RFX3: variants seen among roughly 807,000 people sequenced by gnomAD.
RFX3 encodes regulatory factor X3.
Under a neutral mutation model 98.6 loss-of-function variants are expected in RFX3, and 14 were observed. The observed-to-expected ratio is 0.14, with a 90% CI of 0.09 to 0.22. The LOEUF (loss-of-function observed/expected upper bound fraction) is 0.22. Ranked by LOEUF, RFX3 falls within the 10% of genes least tolerant of loss-of-function variation. RFX3 has a pLI of 1.00. For synonymous variants in RFX3, 383 were observed against 328.4 expected, an observed-to-expected ratio of 1.17 and a Z score of -1.80; for missense variants, 639 against 926.9, an observed-to-expected ratio of 0.69 and a Z score of 4.03.
At chr9:3,474,723 C>A (rs1472942360) in intron 1 of RFX3, among the ~76,000 whole-genome samples, 3 of 152,154 alleles carry the variant, frequency 2.0e-5, no homozygotes, top group Non-Finnish European at 4.4e-5. Flanking sequence ...GCAGTATAAT[C>A]TTTAAAAGAA....
intron 14 of RFX3, among the ~76,000 whole-genome samples, chr9:3,253,263 C>T (rs982914347): frequency 2.0e-5 from 3 of 152,196 alleles, no homozygotes; most frequent in Admixed American, 6.5e-5. Context: ...GAGAACATCA[C>T]GCCTGTGATC....
chr9:3,425,437 A>G (rs1843919929), intron 1 of RFX3, among the ~76,000 whole-genome samples: 1 of 152,228 alleles, frequency 6.6e-6, no homozygotes, highest in African/African-American at 2.4e-5. Context: ...TTAGTTTTAA[A>G]TAGACCCACA....
At chr9:3,253,734 T>G (rs1821738884) in intron 14 of RFX3, among the ~76,000 whole-genome samples, 1 of 152,178 alleles carries the variant, frequency 6.6e-6, no homozygotes, top group South Asian at 2.1e-4. Flanking sequence ...AGAAATTAGA[T>G]TAAGCATCTG....
intron 1 of RFX3, among the ~76,000 whole-genome samples, chr9:3,467,955 A>G (rs879756473): frequency 1.3e-5 from 2 of 152,218 alleles, no homozygotes; most frequent in Admixed American, 6.5e-5. Flanking sequence ...GCTTCTGGGT[A>G]TGTGTCATGG....
intron 12 of RFX3, among the ~76,000 whole-genome samples, chr9:3,265,754 C>T (rs1287293381): frequency 6.6e-6 from 1 of 151,990 alleles, no homozygotes; most frequent in Admixed American, 6.6e-5. Flanking sequence ...CCAAAACATC[C>T]TGAAAAAGCA....
chr9:3,331,590 G>A (rs188274554), intron 3 of RFX3, among the ~76,000 whole-genome samples: 3 of 152,104 alleles, frequency 2.0e-5, no homozygotes, highest in Admixed American at 6.6e-5. Context: ...TTAAAGCCTG[G>A]ATGTCTTAAC....
chr9:3,395,435 A>C, intron 2 of RFX3, 37 bp downstream of exon 2: 3 of 1,604,652 alleles, frequency 1.9e-6, no homozygotes, highest in African/African-American at 2.7e-5. Context: ...ACATAATGAA[A>C]GTAACAGCAT....
intron 2 of RFX3, among the ~76,000 whole-genome samples, chr9:3,393,760 A>C (rs1019006518): frequency 4.6e-5 from 7 of 152,190 alleles, no homozygotes; most frequent in African/African-American, 7.2e-5. Flanking sequence ...TAACCAATAA[A>C]GTGGGCGCTA....
chr9:3,433,052 G>C (rs1029191215), intron 1 of RFX3, among the ~76,000 whole-genome samples: 20 of 152,084 alleles, frequency 1.3e-4, no homozygotes. Context: ...CTCAAGTCCT[G>C]AAGTCAGCCC....
rs1275625066 is a variant in RFX3, at chr9:3,257,217, A to G, written c.1606-18T>C. 1.1e-5 allele frequency: 18 copies of G among 1,608,256 alleles called. No homozygotes were observed. The East Asian group carries it at 3.8e-4, about 34-fold the overall frequency. ...GCCTGCTCCTGAGACAGTAACACAG[A>G]AAGAAAAGGAAAAGTTCAATTCAGC... On this transcript the variant is annotated intron_variant, in intron 13 of 16. Coordinates refer to ENST00000617270, the MANE Select transcript of RFX3 (RefSeq NM_001282116.2).
intron 13 of RFX3, among the ~76,000 whole-genome samples, chr9:3,258,372 C>A (rs1822410156): frequency 6.6e-6 from 1 of 152,126 alleles, no homozygotes; most frequent in Admixed American, 6.6e-5. Flanking sequence ...TTAACAACTT[C>A]AACTGAATAA....
intron 2 of RFX3, among the ~76,000 whole-genome samples, chr9:3,381,864 A>G (rs1839227794): frequency 6.6e-6 from 1 of 152,200 alleles, no homozygotes; most frequent in Admixed American, 6.6e-5. Flanking sequence ...AGCTTGGCCA[A>G]TCTGTAAACC....
chr9:3,356,977 A>C (rs540600198), intron 2 of RFX3, among the ~76,000 whole-genome samples: 2 of 149,634 alleles, frequency 1.3e-5, no homozygotes, highest in African/African-American at 5.0e-5. Context: ...ACACACGCAC[A>C]CACACACACA....
intron 1 of RFX3, among the ~76,000 whole-genome samples, chr9:3,525,313 ACAG>A (rs2133970063): frequency 6.6e-6 from 1 of 152,330 alleles, no homozygotes; most frequent in African/African-American, 2.4e-5. Flanking sequence ...GAAGCAGGAA[ACAG>A]CAGCGTTGGA....
intron 15 of RFX3, among the ~76,000 whole-genome samples, chr9:3,242,076 T>A (rs1348972103): frequency 6.6e-6 from 1 of 152,194 alleles, no homozygotes; most frequent in South Asian, 2.1e-4. Flanking sequence ...AACTGAAAGA[T>A]AGATTAAGCC....
chr9:3,309,801 C>T (rs995521961), intron 4 of RFX3, among the ~76,000 whole-genome samples: 2 of 152,160 alleles, frequency 1.3e-5, no homozygotes, highest in African/African-American at 4.8e-5. Context: ...GTCCCCATTG[C>T]CTTCTAAAGG....
chr9:3,473,099 G>A (rs1363325324), intron 1 of RFX3, among the ~76,000 whole-genome samples: 1 of 152,114 alleles, frequency 6.6e-6, no homozygotes, highest in Non-Finnish European at 1.5e-5. Flanking sequence ...AGTCTGGATC[G>A]ACTTATATAT....
intron 1 of RFX3, among the ~76,000 whole-genome samples, chr9:3,438,007 A>C (rs1040117475): frequency 3.9e-5 from 6 of 152,106 alleles, no homozygotes; most frequent in Non-Finnish European, 5.9e-5. Context: ...GAAAAAAAGA[A>C]GACCTTGAAT....
intron 4 of RFX3, among the ~76,000 whole-genome samples, chr9:3,329,104 C>T (rs959653795): frequency 3.3e-5 from 5 of 152,014 alleles, no homozygotes; most frequent in African/African-American, 7.2e-5. Context: ...CATTTCAGTA[C>T]GCTAAAATAC....
Sources: allele counts gnomAD v4.1 joint callset (sites outside exome capture counted in the v4.1 genomes callset), GRCh38; gene constraint gnomAD v4.1.1; transcripts MANE v1.5; gene names NCBI Gene and HGNC (gene_info 2026-07-23, HGNC 2026-07-21).